DAB1: variants seen among roughly 807,000 people sequenced by gnomAD.
DAB1 encodes disabled homolog 1.
Under a neutral mutation model 64.6 loss-of-function variants are expected in DAB1, and 15 were observed. The observed-to-expected ratio is 0.23, with a 90% CI of 0.16 to 0.36. The LOEUF (loss-of-function observed/expected upper bound fraction) is 0.36, where lower values mean the gene tolerates loss of function less well. Ranked by LOEUF, DAB1 falls within the 10% of genes least tolerant of loss-of-function variation. The pLI is 1.00. For synonymous variants in DAB1, 235 were observed against 251.9 expected (o/e 0.93, Z 0.64); for missense variants, 596 against 706.7 (o/e 0.84, Z 1.78).
chr1:58,308,049 T>A, intron 4 of DAB1, among the ~76,000 whole-genome samples: 1 of 151,944 alleles, frequency 6.6e-6, no homozygotes, highest in East Asian at 1.9e-4. Flanking sequence ...TCTAGAAAAA[T>A]TCAGCTTATT....
At chr1:58,028,950 T>C (rs1378232084) in intron 5 of DAB1, among the ~76,000 whole-genome samples, 2 of 152,122 alleles carry the variant, frequency 1.3e-5, no homozygotes, top group Non-Finnish European at 2.9e-5. Flanking sequence ...TGTCTGGTTA[T>C]CCTAGGAAAC....
chr1:57,439,429 T>TTGTTTTTTTTTGTTTTTTTTTTTTTG (rs1363290568), intron 7 of DAB1, among the ~76,000 whole-genome samples: 1 of 127,968 alleles, frequency 7.8e-6, no homozygotes, highest in East Asian at 2.5e-4. Context: ...TTTTTTCTTT[T>TTGTTTTTTTTTGTTTTTTTTTTTTTG]TTTTTTTTTT....
chr1:58,178,945 T>C (rs1485232685), intron 4 of DAB1, among the ~76,000 whole-genome samples: 1 of 152,146 alleles, frequency 6.6e-6, no homozygotes, highest in African/African-American at 2.4e-5. Context: ...ACATTAGCTA[T>C]AGCTTTTAAG....
chr1:57,438,473 T>A (rs1428019089), intron 7 of DAB1, among the ~76,000 whole-genome samples: 1 of 152,120 alleles, frequency 6.6e-6, no homozygotes, highest in East Asian at 1.9e-4. Context: ...GCTAAAACTA[T>A]AATGAACAAA....
chr1:58,287,164 G>C (rs1047500363), intron 4 of DAB1, among the ~76,000 whole-genome samples: 1 of 152,054 alleles, frequency 6.6e-6, no homozygotes, highest in Non-Finnish European at 1.5e-5. Context: ...GGGCCTGTTA[G>C]GGCTGGAGGG....
At chr1:57,685,233 T>A (rs565749377) in intron 6 of DAB1, among the ~76,000 whole-genome samples, 3 of 151,710 alleles carry the variant, frequency 2.0e-5, no homozygotes, top group Non-Finnish European at 4.4e-5. Flanking sequence ...ATTATAGGCA[T>A]GAGCCACCAC....
chr1:58,163,112 A>C (rs1325532206), intron 4 of DAB1, among the ~76,000 whole-genome samples: 1 of 152,210 alleles, frequency 6.6e-6, no homozygotes, highest in African/African-American at 2.4e-5. Context: ...GCAAACCAGG[A>C]GCAAGTCCTG....
intron 3 of DAB1, among the ~76,000 whole-genome samples, chr1:58,401,536 G>A (rs1644568351): frequency 6.6e-6 from 1 of 152,158 alleles, no homozygotes; most frequent in Admixed American, 6.5e-5. Flanking sequence ...ATCTTTATGT[G>A]ACTATATACT....
chr1:57,342,755 C>T (rs796466496), intron 1 of DAB1, among the ~76,000 whole-genome samples: 12 of 150,112 alleles, frequency 8.0e-5, no homozygotes, highest in African/African-American at 2.7e-4. Context: ...CTCGCTGGCT[C>T]AGGAGTGAAG....
At chr1:57,016,012 C>T (rs1455767092) in intron 11 of DAB1, among the ~76,000 whole-genome samples, 1 of 152,184 alleles carries the variant, frequency 6.6e-6, no homozygotes, top group Non-Finnish European at 1.5e-5. Context: ...CTGTCTAGGG[C>T]TCCATGACTT....
chr1:57,141,098 T>C (rs1331082616), intron 3 of DAB1, among the ~76,000 whole-genome samples: 1 of 152,168 alleles, frequency 6.6e-6, no homozygotes, highest in African/African-American at 2.4e-5. Context: ...CCCCATGTAA[T>C]AAGCCCGGTC....
At position 57,088,000 on chromosome 1, in the gene DAB1, C is replaced by T. The variant is rs1244632915; in HGVS notation, c.307-15586G>A. 2.6e-5 allele frequency among the ~76,000 whole-genome samples: 4 copies of T among 152,180 alleles called. No homozygotes were observed. The East Asian group carries it at 7.7e-4, about 29-fold the overall frequency. On this transcript the variant is annotated intron_variant, in intron 4 of 14. Transcript: ENST00000371236. Reference sequence around the variant, plus strand: ...CCAAGCTCTACTTGGCTCCTCTGAGCCCTCTTCTTCGCTAGGCCTCAACCT... The same window carrying T: ...CCAAGCTCTACTTGGCTCCTCTGAGTCCTCTTCTTCGCTAGGCCTCAACCT...
chr1:58,449,635 C>T (rs75380839), intron 3 of DAB1, among the ~76,000 whole-genome samples: 2,423 of 152,270 alleles, frequency 0.016, 84 homozygotes, highest in African/African-American at 0.056. Context: ...CTTCTTCAAA[C>T]GTGCCCCCTT....
Position 57,338,930 on chromosome 1 carries a change from G to A in DAB1, c.-136-47764C>T, listed in dbSNP as rs558593278. 7.2e-5 allele frequency among the ~76,000 whole-genome samples: 11 copies of A among 152,162 alleles called. No individual in the cohort carries two copies. In the South Asian group the frequency reaches 8.3e-4, roughly 11 times the overall value. ...CTAAATATTTAGAAGCTATAAGTCC[G>A]AAAGGCTAAGTTACTTACCTTTTTT... is the stretch of plus-strand genomic sequence containing the variant. On this transcript the variant is annotated intron_variant, in intron 1 of 14. Transcript: ENST00000371236.
intron 5 of DAB1, among the ~76,000 whole-genome samples, chr1:58,001,992 A>G (rs1646513694): frequency 6.6e-6 from 1 of 152,158 alleles, no homozygotes; most frequent in African/African-American, 2.4e-5. Context: ...GCCCCAAAAT[A>G]TTGGCAACCA....
intron 5 of DAB1, among the ~76,000 whole-genome samples, chr1:58,144,267 C>G (rs1654467617): frequency 6.6e-6 from 1 of 152,082 alleles, no homozygotes; most frequent in Non-Finnish European, 1.5e-5. Context: ...ATATTAAAAG[C>G]ATGTTATTAA....
chr1:57,547,537 T>C (rs1189651168), intron 7 of DAB1, among the ~76,000 whole-genome samples: 1 of 152,208 alleles, frequency 6.6e-6, no homozygotes, highest in Admixed American at 6.5e-5. Flanking sequence ...AGTTGACAGC[T>C]GATGTTACCA....
intron 2 of DAB1, among the ~76,000 whole-genome samples, chr1:57,230,719 G>A (rs553084289): frequency 9.5e-4 from 145 of 152,072 alleles, no homozygotes; most frequent in African/African-American, 3.4e-3. Flanking sequence ...CAGGGAAACT[G>A]GAATATATAT....
At chr1:57,860,282 G>C (rs1653953081) in intron 1 of DAB1, among the ~76,000 whole-genome samples, 1 of 152,178 alleles carries the variant, frequency 6.6e-6, no homozygotes, top group African/African-American at 2.4e-5. Flanking sequence ...ACACTCATAT[G>C]AAGTAAGTGC....
Sources: gnomAD v4.1 joint callset for allele counts (sites outside exome capture counted in the v4.1 genomes callset) on GRCh38, gnomAD v4.1.1 for gene constraint, MANE v1.5 for transcripts, NCBI Gene and HGNC (gene_info 2026-07-23, HGNC 2026-07-21) for gene names.